ARMH3: variants seen among roughly 807,000 people sequenced by gnomAD.
The protein encoded by ARMH3 is armadillo-like helical domain-containing protein 3.
Under a neutral mutation model 99.1 loss-of-function variants are expected in ARMH3, and 60 were observed. That is an observed-to-expected ratio of 0.61 (90% CI 0.49 to 0.75). The LOEUF (loss-of-function observed/expected upper bound fraction) is 0.75, where lower values mean the gene tolerates loss of function less well. ARMH3 is among the 30% of genes least tolerant of loss of function. The probability of loss-of-function intolerance (pLI) is 0.00; values close to 1 mark genes in which losing one functional copy is unlikely to be tolerated. For synonymous variants in ARMH3, 285 were observed against 292.8 expected, an observed-to-expected ratio of 0.97 and a Z score of 0.27; for missense variants, 679 against 843.1, an observed-to-expected ratio of 0.81 and a Z score of 2.41.
At chr10:101,975,140 C>T (rs1845938683) in intron 20 of ARMH3, 72 bp downstream of exon 20, 8 of 1,103,720 alleles carry the variant, frequency 7.2e-6, no homozygotes, top group South Asian at 5.0e-5. Flanking sequence ...ACAAAAAATC[C>T]ACCTTGAGCC....
rs1590224585 is a variant in ARMH3, at chr10:102,040,170, A to G, written c.-11-45T>C. On this transcript the variant is annotated intron_variant, in intron 1 of 25. Coordinates refer to ENST00000370033, the MANE Select transcript of ARMH3 (RefSeq NM_024541.3). Reference sequence around the variant, plus strand: ...TTTTAGAATAGTGAAAATACTCAGTATGATACTATAATGGCAGATATATGT... The same window carrying G: ...TTTTAGAATAGTGAAAATACTCAGTGTGATACTATAATGGCAGATATATGT... 24 of 1,460,698 alleles carry G rather than the reference A, an allele frequency of 1.6e-5. No homozygotes were observed. In the East Asian group the frequency reaches 5.4e-4, roughly 33 times the overall value. The allele number at this position is 1,460,698 out of a possible 1,614,324, so 90.5% of individuals were successfully genotyped here. A position where few individuals can be genotyped will look rare whatever the true frequency, so the allele number is the denominator to read the frequency against.
At chr10:102,037,436 G>A (rs1301729195) in intron 2 of ARMH3, among the ~76,000 whole-genome samples, 1 of 151,802 alleles carries the variant, frequency 6.6e-6, no homozygotes, top group Non-Finnish European at 1.5e-5. Flanking sequence ...TGCCCCCCTT[G>A]GCCTCACAAA....
At chr10:101,893,536 G>C (rs537423620) in intron 23 of ARMH3, among the ~76,000 whole-genome samples, 1 of 152,114 alleles carries the variant, frequency 6.6e-6, no homozygotes, top group Non-Finnish European at 1.5e-5. Flanking sequence ...GCAGCCACCG[G>C]GGCAACCCAG....
intron 23 of ARMH3, among the ~76,000 whole-genome samples, chr10:101,919,942 T>C (rs1217389279): frequency 1.3e-5 from 2 of 152,244 alleles, no homozygotes; most frequent in Non-Finnish European, 2.9e-5. Context: ...TCTGAGCTTC[T>C]GTCTCTGAAT....
At chr10:102,008,089 C>G (rs2066546347) in intron 13 of ARMH3, among the ~76,000 whole-genome samples, 1 of 152,242 alleles carries the variant, frequency 6.6e-6, no homozygotes, top group East Asian at 1.9e-4. Flanking sequence ...AGCACTTTAC[C>G]TTCCTCACCT....
chr10:102,050,772 G>C (rs1296274780), intron 1 of ARMH3, among the ~76,000 whole-genome samples: 1 of 151,098 alleles, frequency 6.6e-6, no homozygotes, highest in Non-Finnish European at 1.5e-5. Flanking sequence ...CACGAGAATT[G>C]CTTGAACCTG....
chr10:101,972,907 T>C (rs981701159), intron 20 of ARMH3, among the ~76,000 whole-genome samples: 2 of 152,118 alleles, frequency 1.3e-5, no homozygotes, highest in Non-Finnish European at 2.9e-5. Flanking sequence ...GTCCTGAGAA[T>C]AGGACATAAT....
intron 4 of ARMH3, among the ~76,000 whole-genome samples, chr10:102,030,938 A>G (rs2067116680): frequency 6.6e-6 from 1 of 151,946 alleles, no homozygotes; most frequent in South Asian, 2.1e-4. Context: ...GGTGTGCACC[A>G]CCACGCCTGG....
At chr10:101,970,247 G>A (rs1173523552) in intron 20 of ARMH3, among the ~76,000 whole-genome samples, 2 of 152,202 alleles carry the variant, frequency 1.3e-5, no homozygotes, top group Non-Finnish European at 2.9e-5. Flanking sequence ...CCATGCACCT[G>A]TGGGTAAGGA....
intron 24 of ARMH3, among the ~76,000 whole-genome samples, chr10:101,874,326 C>A (rs1051302940): frequency 1.1e-4 from 16 of 152,036 alleles, no homozygotes; most frequent in Non-Finnish European, 1.9e-4. Context: ...AAATGTATGG[C>A]CATGGGCAGT....
chr10:101,874,943 C>T (rs1193124832), intron 24 of ARMH3, among the ~76,000 whole-genome samples: 2 of 152,124 alleles, frequency 1.3e-5, no homozygotes, highest in Non-Finnish European at 2.9e-5. Flanking sequence ...AGGCAAAGGT[C>T]TAAAATGAAA....
intron 23 of ARMH3, among the ~76,000 whole-genome samples, chr10:101,923,647 C>CT (rs1304737678): frequency 2.0e-5 from 3 of 152,140 alleles, no homozygotes; most frequent in Non-Finnish European, 2.9e-5. Flanking sequence ...CCAAAAATGT[C>CT]TTTTTTTACT....
chr10:102,016,287 G>T (rs1352866441), intron 8 of ARMH3, among the ~76,000 whole-genome samples: 1 of 152,198 alleles, frequency 6.6e-6, no homozygotes, highest in Non-Finnish European at 1.5e-5. Flanking sequence ...TGAGTGTCAT[G>T]TTGGTATTCA....
Position 101,903,756 on chromosome 10 carries a change from C to T in ARMH3, c.1782-14266G>A, listed in dbSNP as rs185749637. 8.7e-4 allele frequency among the ~76,000 whole-genome samples: 132 copies of T among 152,306 alleles called. 2 individuals carry two copies. In the Middle Eastern group the frequency reaches 0.024, roughly 27 times the overall value. On this transcript the variant is annotated intron_variant, in intron 23 of 25. Transcript: ENST00000370033. ...AAACTAAAGATAAAAGTTATAGCTT[C>T]CTTTCCCAGTGTCTCATTTTAAATA...
At chr10:101,976,798 C>T (rs1590119116) in intron 19 of ARMH3, among the ~76,000 whole-genome samples, 1 of 152,102 alleles carries the variant, frequency 6.6e-6, no homozygotes, top group East Asian at 1.9e-4. Context: ...TGTAGGCATG[C>T]ACCACCATAG....
At chr10:101,953,542 C>CT (rs35546669) in intron 22 of ARMH3, among the ~76,000 whole-genome samples, 1,416 of 117,840 alleles carry the variant, frequency 0.012, 19 homozygotes, top group African/African-American at 0.033. Context: ...CGTGCCCAGC[C>CT]TTTTTTTTTT....
At chr10:101,980,728 G>A (rs927210675) in intron 19 of ARMH3, among the ~76,000 whole-genome samples, 10 of 152,006 alleles carry the variant, frequency 6.6e-5, no homozygotes, top group South Asian at 2.1e-4. Context: ...GCTAAAATAG[G>A]GGTAGCTACT....
intron 2 of ARMH3, among the ~76,000 whole-genome samples, chr10:102,035,431 CCA>C (rs1184073629): frequency 6.6e-6 from 1 of 152,194 alleles, no homozygotes; most frequent in Non-Finnish European, 1.5e-5. Context: ...CCCTCTCTTT[CCA>C]CAGTCTCCCT....
intron 8 of ARMH3, among the ~76,000 whole-genome samples, chr10:102,021,607 G>A (rs926225681): frequency 6.6e-6 from 1 of 151,538 alleles, no homozygotes; most frequent in Non-Finnish European, 1.5e-5. Context: ...GAGTGCAGTG[G>A]TGCAATCTCC....
Sources: gnomAD v4.1 joint callset for allele counts (sites outside exome capture counted in the v4.1 genomes callset) on GRCh38, gnomAD v4.1.1 for gene constraint, MANE v1.5 for transcripts, NCBI Gene and HGNC (gene_info 2026-07-23, HGNC 2026-07-21) for gene names.